The following PHLDB2 variants were observed in gnomAD, a reference collection of about 807,000 sequenced individuals.
The protein encoded by PHLDB2 is pleckstrin homology like domain family B member 2.
A neutral mutation model predicts 123.6 loss-of-function variants in PHLDB2; 71 were observed. That is an observed-to-expected ratio of 0.57 (90% CI 0.47 to 0.70). PHLDB2 has a LOEUF of 0.70. PHLDB2 is among the 30% of genes least tolerant of loss of function. PHLDB2 has a pLI of 0.00. For missense variants in PHLDB2, 1,446 were observed against 1,519.5 expected, an observed-to-expected ratio of 0.95 and a Z score of 0.80; for synonymous variants, 547 against 541.6, an observed-to-expected ratio of 1.01 and a Z score of -0.14.
chr3:111,756,558 G>T (rs2059893543), intron 1 of PHLDB2, among the ~76,000 whole-genome samples: 3 of 152,156 alleles, frequency 2.0e-5, no homozygotes, highest in Admixed American at 2.0e-4. Flanking sequence ...ACGTGAGATG[G>T]ATTTACTGCA....
chr3:111,797,187 C>A (rs116290441), intron 1 of PHLDB2, among the ~76,000 whole-genome samples: 13 of 152,306 alleles, frequency 8.5e-5, no homozygotes, highest in African/African-American at 3.1e-4. Flanking sequence ...AGCATTGCCA[C>A]AATATGTCAT....
At chr3:111,943,006 T>G (rs2070013689) in intron 8 of PHLDB2, among the ~76,000 whole-genome samples, 2 of 152,118 alleles carry the variant, frequency 1.3e-5, no homozygotes, top group African/African-American at 2.4e-5. Flanking sequence ...TTCACTAATT[T>G]CAGTGTTCGT....
At chr3:111,881,720 T>G (rs1559883161) in intron 1 of PHLDB2, among the ~76,000 whole-genome samples, 1 of 152,044 alleles carries the variant, frequency 6.6e-6, no homozygotes, top group East Asian at 1.9e-4. Context: ...TTGTAAATGA[T>G]GAAATAGACT....
intron 1 of PHLDB2, among the ~76,000 whole-genome samples, chr3:111,869,705 C>CTGTG (rs756821881): frequency 0.019 from 488 of 25,282 alleles, 5 homozygotes; most frequent in Middle Eastern, 0.12. Context: ...GTGTCTGTCT[C>CTGTG]TGTGTGTGTG....
intron 12 of PHLDB2, among the ~76,000 whole-genome samples, chr3:111,955,157 ATATCTC>A (rs1367557526): frequency 6.7e-6 from 1 of 149,546 alleles, no homozygotes; most frequent in Non-Finnish European, 1.5e-5. Flanking sequence ...ATATATATAT[ATATCTC>A]TCACTGGAAC....
intron 3 of PHLDB2, among the ~76,000 whole-genome samples, chr3:111,918,449 T>C (rs538982557): frequency 2.6e-5 from 4 of 152,348 alleles, no homozygotes; most frequent in Admixed American, 6.5e-5. Flanking sequence ...CATCAATTAA[T>C]TTAATACTGA....
chr3:111,866,861 G>A (rs2065108544), intron 1 of PHLDB2, among the ~76,000 whole-genome samples: 1 of 150,894 alleles, frequency 6.6e-6, no homozygotes, highest in African/African-American at 2.4e-5. Context: ...AGGATCCTTG[G>A]TTAGGATTCT....
intron 1 of PHLDB2, among the ~76,000 whole-genome samples, chr3:111,740,344 C>G (rs1479213231): frequency 1.5e-5 from 2 of 132,202 alleles, no homozygotes; most frequent in Non-Finnish European, 3.2e-5. Context: ...TATTATTGTC[C>G]TCATTAAATA....
intron 2 of PHLDB2, among the ~76,000 whole-genome samples, chr3:111,847,463 A>G (rs1045518002): frequency 1.3e-5 from 2 of 152,204 alleles, no homozygotes; most frequent in Non-Finnish European, 2.9e-5. Context: ...GGAGCCTATT[A>G]CAATTCCAAT....
At chr3:111,942,461 C>A (rs13065553) in intron 8 of PHLDB2, among the ~76,000 whole-genome samples, 73,629 of 152,008 alleles carry the variant, frequency 0.48, 18,762 homozygotes, top group Non-Finnish European at 0.57. Context: ...ACAGAAATAC[C>A]TGGAGTGGTG....
intron 1 of PHLDB2, among the ~76,000 whole-genome samples, chr3:111,864,828 T>C (rs1242447222): frequency 1.3e-5 from 2 of 152,240 alleles, no homozygotes; most frequent in East Asian, 3.8e-4. Flanking sequence ...TGCCACTGTT[T>C]ATCGATGGCC....
chr3:111,811,305 G>A (rs773353857), intron 1 of PHLDB2, among the ~76,000 whole-genome samples: 6 of 152,274 alleles, frequency 3.9e-5, no homozygotes, highest in South Asian at 4.1e-4. Context: ...TGCTATAGGA[G>A]AGTCCAAGTC....
intron 13 of PHLDB2, among the ~76,000 whole-genome samples, chr3:111,963,572 C>T (rs1293281003): frequency 6.6e-6 from 1 of 152,130 alleles, no homozygotes; most frequent in African/African-American, 2.4e-5. Flanking sequence ...TTGTCTGACT[C>T]ATGTAACTTT....
intron 7 of PHLDB2, 75 bp downstream of exon 7, chr3:111,939,705 G>A: frequency 7.1e-7 from 1 of 1,405,680 alleles, no homozygotes; most frequent in South Asian, 1.4e-5. Context: ...ACATATGTCT[G>A]TCTGAATATC....
chr3:111,971,663 A>G (rs187108719), intron 16 of PHLDB2, among the ~76,000 whole-genome samples: 19 of 152,248 alleles, frequency 1.2e-4, no homozygotes, highest in Admixed American at 4.6e-4. Flanking sequence ...CTCATACACA[A>G]CAAGCACAGG....
intron 12 of PHLDB2, among the ~76,000 whole-genome samples, chr3:111,955,248 A>G (rs1413447904): frequency 6.6e-6 from 1 of 151,678 alleles, no homozygotes; most frequent in Non-Finnish European, 1.5e-5. Flanking sequence ...TATAATGTGT[A>G]AGAGACATTT....
chr3:111,844,131 T>C (rs904054827), intron 1 of PHLDB2, among the ~76,000 whole-genome samples: 6 of 152,298 alleles, frequency 3.9e-5, no homozygotes, highest in African/African-American at 1.2e-4. Flanking sequence ...TCATCCTCTC[T>C]CTATTCTCCC....
intron 1 of PHLDB2, among the ~76,000 whole-genome samples, chr3:111,788,125 G>A (rs1298603646): frequency 6.6e-6 from 1 of 152,158 alleles, no homozygotes; most frequent in Non-Finnish European, 1.5e-5. Context: ...AGGAGAATTG[G>A]TGGGACTTTT....
intron 1 of PHLDB2, among the ~76,000 whole-genome samples, chr3:111,752,616 CAA>C (rs1162354531): frequency 3.3e-5 from 5 of 151,180 alleles, no homozygotes; most frequent in Admixed American, 1.3e-4. Flanking sequence ...TATTTTCTAA[CAA>C]AAAAATTTCT....
Sources: allele counts gnomAD v4.1 joint callset (sites outside exome capture counted in the v4.1 genomes callset), GRCh38; gene constraint gnomAD v4.1.1; transcripts MANE v1.5; gene names NCBI Gene and HGNC (gene_info 2026-07-23, HGNC 2026-07-21).